Variants in PPP1R14C observed in about 807,000 individuals in gnomAD.
PPP1R14C encodes protein phosphatase 1 regulatory subunit 14C.
In PPP1R14C, 16 loss-of-function variants were observed where a neutral mutation model predicts 20.4. That is an observed-to-expected ratio of 0.78 (90% CI 0.53 to 1.19). PPP1R14C has a LOEUF of 1.19. Among genes scored for constraint, PPP1R14C ranks in the 50% most tolerant of loss-of-function variants. The pLI is 0.00. For missense variants in PPP1R14C, 211 were observed against 220.1 expected (o/e 0.96, Z 0.26); for synonymous variants, 91 against 91.0 (o/e 1.00, Z 0.00).
At chr6:150,144,465 C>G (rs1228465856) in intron 1 of PPP1R14C, among the ~76,000 whole-genome samples, 1 of 152,196 alleles carries the variant, frequency 6.6e-6, no homozygotes, top group African/African-American at 2.4e-5. Context: ...AATGAAGTGA[C>G]CTCCTCTTAA....
intron 1 of PPP1R14C, among the ~76,000 whole-genome samples, chr6:150,209,164 G>A (rs1328879345): frequency 2.0e-5 from 3 of 152,122 alleles, no homozygotes; most frequent in Admixed American, 6.5e-5. Flanking sequence ...CCCGTGTTAC[G>A]TTGCCATCCC....
chr6:150,154,054 C>T (rs1343063985), intron 1 of PPP1R14C, among the ~76,000 whole-genome samples: 2 of 152,200 alleles, frequency 1.3e-5, no homozygotes, highest in Admixed American at 6.5e-5. Flanking sequence ...GGACTCTGTC[C>T]TGTTCACAGT....
chr6:150,212,634 C>G (rs1331794448), intron 1 of PPP1R14C, among the ~76,000 whole-genome samples: 1 of 152,184 alleles, frequency 6.6e-6, no homozygotes, highest in Non-Finnish European at 1.5e-5. Context: ...ATTTAAGGAG[C>G]CACAGTGGTA....
chr6:150,182,530 C>T lies in PPP1R14C; in HGVS notation c.307-32214C>T, dbSNP rs76895541. ...ACCTAATAACCTCCCAAAGGTCTCA[C>T]GTCCTAATGTCATCACTATGGGGGT... On this transcript the variant is annotated intron_variant, in intron 1 of 3. Coordinates refer to ENST00000361131, the MANE Select transcript of PPP1R14C (RefSeq NM_030949.3). Among the ~76,000 whole-genome samples the T allele has an allele frequency of 6.0e-3, 909 of 152,274 alleles. 6 individuals are homozygous for T. The highest frequency in any genetic ancestry group is 0.021 in the African/African-American group (859 of 41,542).
In PPP1R14C at chr6:150,248,755, A is replaced by C; in HGVS notation, c.433A>C (p.Lys145Gln). 3 of 1,610,826 alleles carry C rather than the reference A, an allele frequency of 1.9e-6. No individual in the cohort carries two copies. Among genetic ancestry groups the C allele is most frequent in the Non-Finnish European group, 2.5e-6 (3 of 1,177,112 alleles). Residue 145 changes from lysine (K) to glutamine (Q), a missense_variant, in exon 4 of 4, where the codon AAA (lysine) becomes CAA (glutamine). Coordinates refer to ENST00000361131, the MANE Select transcript of PPP1R14C (RefSeq NM_030949.3). ...DCYKPTEEFIKELLSRIRGMR... is the reference protein window; with the variant it reads ...DCYKPTEEFIQELLSRIRGMR... Reference sequence around the variant, plus strand: ...TTCTGATCTCTTTTAGGAATTTATCAAAGAGCTGCTTTCTCGGATAAGAGG... The same window carrying C: ...TTCTGATCTCTTTTAGGAATTTATCCAAGAGCTGCTTTCTCGGATAAGAGG...
chr6:150,166,004 TACACCAG>T (rs1582899585), intron 1 of PPP1R14C, among the ~76,000 whole-genome samples: 1 of 151,996 alleles, frequency 6.6e-6, no homozygotes, highest in African/African-American at 2.4e-5. Context: ...TCAGTGCCAG[TACACCAG>T]ATCGCATTGT....
intron 3 of PPP1R14C, among the ~76,000 whole-genome samples, chr6:150,242,570 T>A (rs1778445547): frequency 6.6e-6 from 1 of 152,166 alleles, no homozygotes; most frequent in African/African-American, 2.4e-5. Context: ...CTTAAGTTGA[T>A]AAAAAATATC....
rs566748952 is a variant in PPP1R14C at position 150,170,626 on chromosome 6, G to C, written c.306+27128G>C. ...CGTGAGCCACTGCGCCCGGCTGCTAGTTACCTTTTAAGCACCCGTGATATC... is the reference window on the plus strand; with the variant it reads ...CGTGAGCCACTGCGCCCGGCTGCTACTTACCTTTTAAGCACCCGTGATATC... On this transcript the variant is annotated intron_variant, in intron 1 of 3. Transcript: ENST00000361131. Among the ~76,000 whole-genome samples the C allele has an allele frequency of 2.6e-4, 40 of 152,118 alleles. No homozygotes were observed. In the South Asian group the frequency reaches 8.3e-3, roughly 32 times the overall value.
rs542566310 is a variant in PPP1R14C, at chr6:150,247,040, C to A, written c.424-1706C>A. ...GGTTTTCTAGAAAAAACACATATTA[C>A]TTTTATAATAGGGAAAAGATTATTC... On this transcript the variant is annotated intron_variant, in intron 3 of 3. Transcript: ENST00000361131. Among the ~76,000 whole-genome samples the A allele has an allele frequency of 3.7e-3, 566 of 152,136 alleles. 4 individuals carry two copies. The highest frequency in any genetic ancestry group is 0.013 in the African/African-American group (558 of 41,514).
At chr6:150,148,597 G>A (rs955172028) in intron 1 of PPP1R14C, among the ~76,000 whole-genome samples, 2 of 152,120 alleles carry the variant, frequency 1.3e-5, no homozygotes, top group Admixed American at 6.5e-5. Context: ...CACATCAGCC[G>A]GCTTTGCTAC....
chr6:150,170,124 G>T (rs1443941229), intron 1 of PPP1R14C, among the ~76,000 whole-genome samples: 1 of 152,154 alleles, frequency 6.6e-6, no homozygotes, highest in African/African-American at 2.4e-5. Context: ...CAAGGAAAAG[G>T]AACATAGATT....
chr6:150,192,934 C>T (rs1777763531), intron 1 of PPP1R14C, among the ~76,000 whole-genome samples: 1 of 152,176 alleles, frequency 6.6e-6, no homozygotes, highest in Admixed American at 6.5e-5. Flanking sequence ...GACCCCTGTG[C>T]TAGAGGATGA....
chr6:150,230,758 G>A (rs918352848), intron 3 of PPP1R14C, among the ~76,000 whole-genome samples: 15 of 152,056 alleles, frequency 9.9e-5, no homozygotes, highest in African/African-American at 3.6e-4. Flanking sequence ...CATTTATCTC[G>A]TTTAGCTTTT....
chr6:150,181,625 A>C (rs1175184974), intron 1 of PPP1R14C, among the ~76,000 whole-genome samples: 1 of 152,104 alleles, frequency 6.6e-6, no homozygotes, highest in Non-Finnish European at 1.5e-5. Context: ...CTGATATCTT[A>C]ATTAGGGAAA....
At chr6:150,159,809 A>G (rs1459684184) in intron 1 of PPP1R14C, among the ~76,000 whole-genome samples, 2 of 152,166 alleles carry the variant, frequency 1.3e-5, no homozygotes, top group Non-Finnish European at 2.9e-5. Context: ...TAAAGTCCAT[A>G]CTTTGTTCGG....
intron 3 of PPP1R14C, among the ~76,000 whole-genome samples, chr6:150,230,254 T>A (rs1029566539): frequency 6.6e-6 from 1 of 152,192 alleles, no homozygotes; most frequent in Admixed American, 6.5e-5. Context: ...ACACTTTGCC[T>A]GCTTCCCACC....
rs577408777 is a variant in PPP1R14C at position 150,249,077 on chromosome 6, T to G, written c.*257T>G. 7.0e-6 allele frequency: 3 copies of G among 429,048 alleles called. No individual in the cohort carries two copies. The highest frequency in any genetic ancestry group is 1.2e-5 in the Non-Finnish European group (3 of 244,582). The allele number at this position is 429,048 out of a possible 1,614,324, so 26.6% of individuals were successfully genotyped here. ...CTCTAGCCACAGCCTAACCAAGGATTATCAAAGGAGGTGGACACTCAAGGA... is the reference window on the plus strand; with the variant it reads ...CTCTAGCCACAGCCTAACCAAGGATGATCAAAGGAGGTGGACACTCAAGGA... On this transcript the variant is annotated 3_prime_UTR_variant, in exon 4 of 4. Transcript: ENST00000361131.
At chr6:150,246,252 A>G (rs1382407206) in intron 3 of PPP1R14C, among the ~76,000 whole-genome samples, 2 of 152,166 alleles carry the variant, frequency 1.3e-5, no homozygotes, top group Admixed American at 6.5e-5. Flanking sequence ...CAGAAAAATT[A>G]CCAGTTATTA....
chr6:150,243,707 A>G (rs1778459132), intron 3 of PPP1R14C, among the ~76,000 whole-genome samples: 1 of 152,238 alleles, frequency 6.6e-6, no homozygotes. Flanking sequence ...TATTCCATAC[A>G]AAGATTTGTA....
Sources: allele counts gnomAD v4.1 joint callset (sites outside exome capture counted in the v4.1 genomes callset), GRCh38; gene constraint gnomAD v4.1.1; transcripts MANE v1.5; gene names NCBI Gene and HGNC (gene_info 2026-07-23, HGNC 2026-07-21).